FYB2: variants seen among roughly 807,000 people sequenced by gnomAD.
The protein encoded by FYB2 is FYN-binding protein 2.
A neutral mutation model predicts 94.1 loss-of-function variants in FYB2; 103 were observed. The observed-to-expected ratio is 1.09, with a 90% CI of 0.93 to 1.29. The LOEUF is 1.29. FYB2 is among the 50% of genes most tolerant of loss of function. FYB2 has a pLI of 0.00. For synonymous variants in FYB2, 293 were observed against 287.9 expected (o/e 1.02, Z -0.18); for missense variants, 896 against 841.5 (o/e 1.06, Z -0.80).
At chr1:56,796,882 AAAATAT>A (rs1646412804) in intron 1 of FYB2, among the ~76,000 whole-genome samples, 1 of 152,192 alleles carries the variant, frequency 6.6e-6, no homozygotes, top group Non-Finnish European at 1.5e-5. Context: ...GTGTCATCTC[AAAATAT>A]TTGTTGGTTG....
At chr1:56,767,314 G>A (rs1174584822) in intron 5 of FYB2, among the ~76,000 whole-genome samples, 5 of 152,166 alleles carry the variant, frequency 3.3e-5, no homozygotes, top group Non-Finnish European at 4.4e-5. Flanking sequence ...AGCATTGTCA[G>A]CAATGCCAGA....
intron 3 of FYB2, chr1:56,788,744 T>C (rs1646187857): frequency 1.8e-6 from 1 of 561,756 alleles, no homozygotes; most frequent in South Asian, 2.1e-5. Flanking sequence ...TTCCCAGTGA[T>C]CAAATGCAGT....
Position 56,723,698 on chromosome 1 carries a change from A to G in FYB2, c.1881-17T>C. 5 of 1,430,634 alleles carry G rather than the reference A, an allele frequency of 3.5e-6. No homozygotes were observed. The highest frequency in any genetic ancestry group is 4.9e-6 in the Non-Finnish European group (5 of 1,023,770). The allele number at this position is 1,430,634 out of a possible 1,614,324, so 88.6% of individuals were successfully genotyped here. On this transcript the variant is annotated splice_polypyrimidine_tract_variant and intron_variant, in intron 16 of 19. Transcript: ENST00000343433. ...GGAGAGAAACTAGCAAGAAATGTGC[A>G]GGTAGGGTAAAACGTACTATAATAA...
At chr1:56,771,401 C>T (rs920381259) in intron 4 of FYB2, among the ~76,000 whole-genome samples, 10 of 152,090 alleles carry the variant, frequency 6.6e-5, no homozygotes, top group African/African-American at 2.4e-4. Flanking sequence ...AATTTAAAAA[C>T]TATATCCTTA....
At chr1:56,743,546 T>A (rs981595668) in intron 11 of FYB2, among the ~76,000 whole-genome samples, 1 of 151,926 alleles carries the variant, frequency 6.6e-6, no homozygotes, top group African/African-American at 2.4e-5. Context: ...TATGAAAATA[T>A]CCTGCTGTTG....
At chr1:56,733,312 C>A (rs1644753590) in intron 15 of FYB2, among the ~76,000 whole-genome samples, 1 of 151,752 alleles carries the variant, frequency 6.6e-6, no homozygotes, top group Non-Finnish European at 1.5e-5. Context: ...CTATTTGATT[C>A]TTCTCTATTT....
At chr1:56,826,239 C>T in the FYB2 span, among the ~76,000 whole-genome samples, 1 of 152,156 alleles carries the variant, frequency 6.6e-6, no homozygotes, top group Non-Finnish European at 1.5e-5. Flanking sequence ...GCCTTCAATC[C>T]CCCACCTCAC....
chr1:56,740,696 C>T lies in FYB2; in HGVS notation c.1703+1G>A. 1.3e-6 allele frequency: 2 copies of T among 1,567,916 alleles called. No homozygotes were observed. The highest frequency in any genetic ancestry group is 1.7e-6 in the Non-Finnish European group (2 of 1,143,666). ...GAAAGGGATTTAAAGGGACTTTTTA[C>T]CTTAAGTTTTCTTTCGACTTGGTTT... On this transcript the variant is annotated splice_donor_variant, in intron 13 of 19. Transcript: ENST00000343433. LOFTEE classifies it high-confidence loss of function.
In FYB2 at chr1:56,723,818, CAA is replaced by C. The variant is rs530312350; in HGVS notation, c.1881-139_1881-138del. ...TCATAATTTTATATAAAATAATACA[CAA>C]AGTCACGCATCTGTATTTGTGTATA... On this transcript the variant is annotated intron_variant, in intron 16 of 19. Coordinates refer to ENST00000343433, the MANE Select transcript of FYB2 (RefSeq NM_001004303.5). 448 of 581,798 alleles carry C rather than the reference CAA, an allele frequency of 7.7e-4. 1 individual carries two copies. In the African/African-American group the frequency reaches 8.2e-3, roughly 11 times the overall value. The allele number at this position is 581,798 out of a possible 1,614,324, so 36.0% of individuals were successfully genotyped here. A position where few individuals can be genotyped will look rare whatever the true frequency, so the allele number is the denominator to read the frequency against.
intron 1 of FYB2, among the ~76,000 whole-genome samples, chr1:56,812,589 A>T (rs758653688): frequency 1.4e-4 from 22 of 152,098 alleles, no homozygotes; most frequent in Non-Finnish European, 3.1e-4. Flanking sequence ...ATGTTTCATT[A>T]TTTTGATTAA....
rs2100590314 is a variant in FYB2, at chr1:56,738,657, T to C, written c.1704-4A>G. 2 of 1,610,220 alleles carry C rather than the reference T, an allele frequency of 1.2e-6. No individual in the cohort carries two copies. The highest frequency in any genetic ancestry group is 1.7e-6 in the Non-Finnish European group (2 of 1,178,018). On this transcript the variant is annotated splice_polypyrimidine_tract_variant and splice_region_variant and intron_variant, in intron 13 of 19. Coordinates refer to ENST00000343433, the MANE Select transcript of FYB2 (RefSeq NM_001004303.5). ...AGGCAGCAAAATGGAAAATGCACTG[T>C]TGATTGACAAAAGACACAAAAGAGT...
At chr1:56,726,080 A>G (rs1644578071) in intron 16 of FYB2, among the ~76,000 whole-genome samples, 1 of 152,084 alleles carries the variant, frequency 6.6e-6, no homozygotes, top group Non-Finnish European at 1.5e-5. Flanking sequence ...AACTAGAATT[A>G]TATTTTAGGG....
intron 5 of FYB2, among the ~76,000 whole-genome samples, chr1:56,765,619 G>A (rs761334642): frequency 2.0e-5 from 3 of 152,182 alleles, no homozygotes; most frequent in Non-Finnish European, 4.4e-5. Context: ...TTTCCTGGTC[G>A]TTTGGCTAGA....
intron 4 of FYB2, among the ~76,000 whole-genome samples, chr1:56,768,872 A>G (rs1181980873): frequency 6.6e-6 from 1 of 152,212 alleles, no homozygotes; most frequent in Non-Finnish European, 1.5e-5. Flanking sequence ...AATAAAAGCC[A>G]TTAGGTAAAA....
chr1:56,806,935 G>T (rs936277630), intron 1 of FYB2, among the ~76,000 whole-genome samples: 1 of 152,200 alleles, frequency 6.6e-6, no homozygotes, highest in East Asian at 1.9e-4. Context: ...TGGGGATCAC[G>T]GCCTGAAGTC....
Position 56,792,314 on chromosome 1 carries a change from T to A in FYB2, c.499A>T (p.Ile167Phe). The A allele has an allele frequency of 6.2e-7, 1 of 1,614,154 alleles. No individual in the cohort carries two copies. Among genetic ancestry groups the A allele is most frequent in the South Asian group, 1.1e-5 (1 of 91,080 alleles). Reference protein sequence around the residue: ...LLLANYGSKAIHLEGQKGMGL... With the variant: ...LLLANYGSKAFHLEGQKGMGL... ...ATGCCTTTTTGCCCTTCCAGATGGATGGCCTTACTTCCATAGTTGGCAAGG... is the reference window on the plus strand; with the variant it reads ...ATGCCTTTTTGCCCTTCCAGATGGAAGGCCTTACTTCCATAGTTGGCAAGG... Residue 167 changes from isoleucine to phenylalanine, a missense_variant, in exon 2 of 20, where the codon ATC (isoleucine) becomes TTC (phenylalanine). Coordinates refer to ENST00000343433, the MANE Select transcript of FYB2 (RefSeq NM_001004303.5).
chr1:56,764,550 AT>A (rs3034106), intron 5 of FYB2, among the ~76,000 whole-genome samples: 51,664 of 147,802 alleles, frequency 0.35, 9,918 homozygotes, highest in African/African-American at 0.52. Flanking sequence ...TAACATTGTC[AT>A]TTTTTTTTTT....
chr1:56,768,756 G>A (rs1570078386), intron 4 of FYB2, among the ~76,000 whole-genome samples: 1 of 152,144 alleles, frequency 6.6e-6, no homozygotes, highest in African/African-American at 2.4e-5. Context: ...ATGAGCTGCA[G>A]TAAGATAGTC....
chr1:56,737,833 T>C (rs1318950170), intron 14 of FYB2, among the ~76,000 whole-genome samples: 2 of 152,098 alleles, frequency 1.3e-5, no homozygotes, highest in Admixed American at 6.6e-5. Flanking sequence ...GGGGATACAA[T>C]GCATGCCTAT....
Sources: allele counts gnomAD v4.1 joint callset (sites outside exome capture counted in the v4.1 genomes callset), GRCh38; gene constraint gnomAD v4.1.1; transcripts MANE v1.5; gene names NCBI Gene and HGNC (gene_info 2026-07-23, HGNC 2026-07-21).